The following SAMMSON variants were observed in gnomAD, a reference collection of about 807,000 sequenced individuals.
The protein encoded by SAMMSON is long intergenic non-protein coding RNA 1212.
chr3:70,051,428 G>T (rs1021521727), intron 3 of SAMMSON, among the ~76,000 whole-genome samples: 31 of 145,026 alleles, frequency 2.1e-4, no homozygotes, highest in Admixed American at 1.3e-3. Flanking sequence ...CAAAAAGTAA[G>T]TGCGGTTTTT....
chr3:70,419,522 A>G (rs1701294933), intron 2 of SAMMSON, among the ~76,000 whole-genome samples: 1 of 152,214 alleles, frequency 6.6e-6, no homozygotes, highest in African/African-American at 2.4e-5. Flanking sequence ...ATATCTGCTA[A>G]TACAACACTG....
intron 2 of SAMMSON, among the ~76,000 whole-genome samples, chr3:70,430,606 A>C (rs977683982): frequency 2.6e-5 from 4 of 152,166 alleles, no homozygotes; most frequent in Non-Finnish European, 5.9e-5. Context: ...GCCAAAGAAG[A>C]AGCACAAACC....
intron 3 of SAMMSON, among the ~76,000 whole-genome samples, chr3:70,028,181 TCCTTC>T: frequency 1.3e-5 from 1 of 75,530 alleles, no homozygotes; most frequent in South Asian, 5.5e-4. Context: ...CTTCCTTCCT[TCCTTC>T]CTTTCTTTCT....
intron 4 of SAMMSON, chr3:70,183,544 G>A (rs1701070061): frequency 6.6e-6 from 1 of 152,204 alleles, no homozygotes; most frequent in South Asian, 2.1e-4. Flanking sequence ...AGGAATTGTT[G>A]AATATGCAAC....
At chr3:70,215,845 ACT>A (rs1701402671) in intron 4 of SAMMSON, among the ~76,000 whole-genome samples, 2 of 152,008 alleles carry the variant, frequency 1.3e-5, no homozygotes, top group Admixed American at 1.3e-4. Flanking sequence ...TTGACAATGG[ACT>A]CATCCTTAGG....
At chr3:70,281,028 A>T (rs1344697407) in intron 6 of SAMMSON, among the ~76,000 whole-genome samples, 1 of 152,182 alleles carries the variant, frequency 6.6e-6, no homozygotes, top group African/African-American at 2.4e-5. Context: ...TTTCCTTTGT[A>T]TCTTTGGGTC....
intron 9 of SAMMSON, among the ~76,000 whole-genome samples, chr3:70,377,754 T>C (rs1703032834): frequency 6.6e-6 from 1 of 152,030 alleles, no homozygotes; most frequent in Non-Finnish European, 1.5e-5. Context: ...CTAGCTATAA[T>C]ATTAAAAAAT....
intron 3 of SAMMSON, among the ~76,000 whole-genome samples, chr3:70,039,164 A>G (rs1184983835): frequency 6.6e-6 from 1 of 152,162 alleles, no homozygotes; most frequent in African/African-American, 2.4e-5. Context: ...ACCACTGAGT[A>G]CTTGACCTGC....
intron 3 of SAMMSON, among the ~76,000 whole-genome samples, chr3:70,028,795 G>C (rs1341965963): frequency 1.3e-5 from 2 of 152,162 alleles, no homozygotes; most frequent in South Asian, 4.1e-4. Flanking sequence ...TGTTTTTCTA[G>C]TGGTAAAAAT....
chr3:70,258,752 C>T (rs1486618304), intron 6 of SAMMSON, among the ~76,000 whole-genome samples: 1 of 151,958 alleles, frequency 6.6e-6, no homozygotes, highest in African/African-American at 2.4e-5. Flanking sequence ...ATAAAAATAA[C>T]AAACAATAGG....
chr3:70,419,017 C>G (rs538946747), intron 2 of SAMMSON, among the ~76,000 whole-genome samples: 14 of 128,154 alleles, frequency 1.1e-4, no homozygotes, highest in African/African-American at 4.0e-4. Context: ...TTCTTTCTTT[C>G]CTTCTTTCTT....
intron 7 of SAMMSON, among the ~76,000 whole-genome samples, chr3:70,337,496 A>G (rs958911326): frequency 2.6e-5 from 4 of 151,948 alleles, no homozygotes; most frequent in Non-Finnish European, 5.9e-5. Context: ...AGCAAAGAAT[A>G]TGAATAAATA....
chr3:70,433,624 C>A lies in SAMMSON; in HGVS notation n.234-28936C>A, dbSNP rs1701433657. 3.3e-5 allele frequency among the ~76,000 whole-genome samples: 5 copies of A among 151,972 alleles called. No individual in the cohort carries two copies. In the South Asian group the frequency reaches 1.0e-3, roughly 32 times the overall value. Reference sequence around the variant, plus strand: ...GTGCTTTGTCCTTTCATTCTAATAGCTGTCTTTTGCAGAGAAGTTTTAAAA... The same window carrying A: ...GTGCTTTGTCCTTTCATTCTAATAGATGTCTTTTGCAGAGAAGTTTTAAAA... On this transcript the variant is annotated intron_variant and non_coding_transcript_variant, in intron 2 of 3. Coordinates refer to the SAMMSON transcript ENST00000641053.
At chr3:70,045,054 TA>T (rs1477452826) in intron 3 of SAMMSON, among the ~76,000 whole-genome samples, 5 of 112,386 alleles carry the variant, frequency 4.4e-5, no homozygotes, top group African/African-American at 1.9e-4. Context: ...TATATATAAT[TA>T]ATTATAATAT....
intron 2 of SAMMSON, among the ~76,000 whole-genome samples, chr3:70,402,767 C>CAGG (rs1701149888): frequency 6.6e-6 from 1 of 151,970 alleles, no homozygotes; most frequent in African/African-American, 2.4e-5. Context: ...GAGGCTAAGG[C>CAGG]AGGAGTATCA....
chr3:70,007,615 GT>G (rs960158585), intron 1 of SAMMSON, among the ~76,000 whole-genome samples: 14 of 148,378 alleles, frequency 9.4e-5, no homozygotes, highest in East Asian at 2.0e-4. Context: ...TCTGATTGTA[GT>G]TTTTTTTTTG....
At chr3:70,181,284 G>C (rs1027076777) in intron 4 of SAMMSON, among the ~76,000 whole-genome samples, 2 of 152,202 alleles carry the variant, frequency 1.3e-5, no homozygotes, top group Non-Finnish European at 2.9e-5. Context: ...GTGGTCTTGA[G>C]AGGACATTTA....
At chr3:70,397,442 C>T (rs545550255) in intron 2 of SAMMSON, among the ~76,000 whole-genome samples, 6 of 152,116 alleles carry the variant, frequency 3.9e-5, no homozygotes, top group African/African-American at 1.4e-4. Flanking sequence ...TAGCTGGGAC[C>T]ACAGGCACAC....
intron 9 of SAMMSON, among the ~76,000 whole-genome samples, chr3:70,366,492 G>GTTTTTTTTTT: frequency 2.1e-4 from 21 of 100,750 alleles, no homozygotes; most frequent in African/African-American, 2.5e-4. Context: ...GTGTTTTTAT[G>GTTTTTTTTTT]TTTTTTTTTT....
Sources: gnomAD v4.1 joint callset for allele counts (sites outside exome capture counted in the v4.1 genomes callset) on GRCh38, gnomAD v4.1.1 for gene constraint, MANE v1.5 for transcripts, NCBI Gene and HGNC (gene_info 2026-07-23, HGNC 2026-07-21) for gene names.